The following RAPGEF2 variants were observed in gnomAD, a reference collection of about 807,000 sequenced individuals.
RAPGEF2 encodes the protein PDZ domain containing guanine nucleotide exchange factor (GEF) 1.
RAPGEF2 carries 54 observed loss-of-function variants against 186.7 expected under a neutral mutation model. The observed-to-expected ratio is 0.29, with a 90% CI of 0.23 to 0.36. RAPGEF2 has a LOEUF of 0.36. Among genes scored for constraint, RAPGEF2 ranks in the 10% least tolerant of loss-of-function variants. RAPGEF2 has a pLI of 1.00. For missense variants in RAPGEF2, 1,532 were observed against 2,045.0 expected (o/e 0.75, Z 4.84); for synonymous variants, 712 against 705.9 (o/e 1.01, Z -0.14).
chr4:159,169,965 A>G (rs900141347), intron 1 of RAPGEF2, among the ~76,000 whole-genome samples: 2 of 151,992 alleles, frequency 1.3e-5, no homozygotes, highest in Admixed American at 6.6e-5. Flanking sequence ...TGGTAGTCCT[A>G]TTTTTAATTT....
At chr4:159,253,726 T>C (rs1009396038) in intron 7 of RAPGEF2, among the ~76,000 whole-genome samples, 1 of 152,110 alleles carries the variant, frequency 6.6e-6, no homozygotes, top group African/African-American at 2.4e-5. Flanking sequence ...CCCAGCACTT[T>C]GGGAGGCCGA....
At chr4:159,115,914 T>C (rs750100478) in intron 1 of RAPGEF2, among the ~76,000 whole-genome samples, 4 of 152,122 alleles carry the variant, frequency 2.6e-5, no homozygotes, top group South Asian at 4.1e-4. Flanking sequence ...GCACCTTCCT[T>C]ACACCTCATA....
chr4:159,223,771 G>A (rs1029065359), intron 4 of RAPGEF2, among the ~76,000 whole-genome samples: 4 of 152,198 alleles, frequency 2.6e-5, no homozygotes, highest in Non-Finnish European at 2.9e-5. Flanking sequence ...ACTCAGAATC[G>A]TGAGACCATT....
chr4:159,176,019 G>GCCCACATT (rs1415726852), intron 1 of RAPGEF2, among the ~76,000 whole-genome samples: 3 of 152,168 alleles, frequency 2.0e-5, no homozygotes, highest in Admixed American at 2.0e-4. Flanking sequence ...TGCCCACATA[G>GCCCACATT]AGCACATGTG....
intron 1 of RAPGEF2, among the ~76,000 whole-genome samples, chr4:159,106,835 A>G (rs1311283085): frequency 6.6e-6 from 1 of 152,196 alleles, no homozygotes; most frequent in Non-Finnish European, 1.5e-5. Context: ...TCATTGGTGT[A>G]ACCTAAGAAG....
chr4:159,331,578 A>C, intron 14 of RAPGEF2, 40 bp downstream of exon 14: 1 of 1,610,892 alleles, frequency 6.2e-7, no homozygotes, highest in East Asian at 2.2e-5. Flanking sequence ...CTTAAAGTTC[A>C]TTTTATTCAG....
intron 17 of RAPGEF2, among the ~76,000 whole-genome samples, chr4:159,334,989 G>T (rs773013001): frequency 1.1e-4 from 17 of 152,120 alleles, no homozygotes; most frequent in Non-Finnish European, 2.2e-4. Flanking sequence ...TATCATATTG[G>T]TAACAGACTT....
intron 3 of RAPGEF2, among the ~76,000 whole-genome samples, chr4:159,199,070 A>AG (rs1268778061): frequency 6.6e-6 from 1 of 151,764 alleles, no homozygotes; most frequent in Non-Finnish European, 1.5e-5. Flanking sequence ...AAAAAAAAAA[A>AG]AAAAAAAAGT....
chr4:159,341,077 T>G (rs1054399672), intron 19 of RAPGEF2, among the ~76,000 whole-genome samples: 2 of 152,216 alleles, frequency 1.3e-5, no homozygotes, highest in Non-Finnish European at 2.9e-5. Context: ...TAGGGTTTCT[T>G]AGGTATTTGA....
intron 3 of RAPGEF2, among the ~76,000 whole-genome samples, chr4:159,203,589 A>G (rs1177419826): frequency 6.6e-6 from 1 of 152,208 alleles, no homozygotes; most frequent in African/African-American, 2.4e-5. Context: ...AAGAGAAAAT[A>G]TACTATTTAG....
At chr4:159,146,930 C>T (rs6830831) in intron 1 of RAPGEF2, among the ~76,000 whole-genome samples, 38,744 of 152,102 alleles carry the variant, frequency 0.25, 5,325 homozygotes, top group Non-Finnish European at 0.32. Flanking sequence ...AAAAGAGTCA[C>T]CATTGACAAC....
At chr4:159,219,136 A>T (rs1485370122) in intron 4 of RAPGEF2, among the ~76,000 whole-genome samples, 1 of 152,106 alleles carries the variant, frequency 6.6e-6, no homozygotes, top group Non-Finnish European at 1.5e-5. Flanking sequence ...TCTGTTCCCT[A>T]AGTCTTCTGC....
intron 4 of RAPGEF2, chr4:159,229,295 C>G (rs1752366141): frequency 6.6e-6 from 1 of 152,114 alleles, no homozygotes; most frequent in Non-Finnish European, 1.5e-5. Flanking sequence ...CTGGGTAGTT[C>G]TGACGTACAA....
chr4:159,116,574 A>G (rs977944145), intron 1 of RAPGEF2, among the ~76,000 whole-genome samples: 1 of 152,230 alleles, frequency 6.6e-6, no homozygotes. Flanking sequence ...TACCCAAAGG[A>G]ATATAAATAA....
rs375330601 is a variant in RAPGEF2 at position 159,320,023 on chromosome 4, C to T, written c.854-2324C>T. ...CAAAACATTTCTGACAATTTCTGGC[C>T]CACATTTTTCTTAAACCCATGAATC... is the stretch of plus-strand genomic sequence containing the variant. On this transcript the variant is annotated intron_variant, in intron 9 of 29. Coordinates refer to ENST00000691494, the MANE Select transcript of RAPGEF2 (RefSeq NM_001394067.2). 5.2e-4 allele frequency among the ~76,000 whole-genome samples: 79 copies of T among 152,130 alleles called. 1 individual carries two copies. The South Asian group carries it at 0.016, about 31-fold the overall frequency.
rs191678845 is a variant in RAPGEF2 at position 159,261,162 on chromosome 4, C to T, written c.543+17371C>T. On this transcript the variant is annotated intron_variant, in intron 7 of 29. Coordinates refer to ENST00000691494, the MANE Select transcript of RAPGEF2 (RefSeq NM_001394067.2). ...CTGCAAGCTCTCCCTCCCAGGTTCACGCCATTCTCCTGCCTCAGCTTCCCA... is the reference window on the plus strand; with the variant it reads ...CTGCAAGCTCTCCCTCCCAGGTTCATGCCATTCTCCTGCCTCAGCTTCCCA... Among the ~76,000 whole-genome samples, 910 of 152,012 alleles carry T rather than the reference C, an allele frequency of 6.0e-3. 5 individuals are homozygous for T. The highest frequency in any genetic ancestry group is 0.01 in the Non-Finnish European group (699 of 67,986).
In RAPGEF2 at chr4:159,156,679, C is replaced by T. The variant is rs1478624083; in HGVS notation, c.70-29963C>T. On this transcript the variant is annotated intron_variant, in intron 1 of 29. Coordinates refer to ENST00000691494, the MANE Select transcript of RAPGEF2 (RefSeq NM_001394067.2). Reference sequence around the variant, plus strand: ...GACAGGCCCCAGTGTGTGATGTTCCCCGCCCTGTATCCAAGTGATCTCATT... The same window carrying T: ...GACAGGCCCCAGTGTGTGATGTTCCTCGCCCTGTATCCAAGTGATCTCATT... Among the ~76,000 whole-genome samples the T allele has an allele frequency of 9.9e-5, 15 of 152,248 alleles. No individual in the cohort carries two copies. The East Asian group carries it at 2.9e-3, about 29-fold the overall frequency.
intron 7 of RAPGEF2, among the ~76,000 whole-genome samples, chr4:159,295,082 A>C (rs1055433899): frequency 6.6e-6 from 1 of 152,154 alleles, no homozygotes; most frequent in Admixed American, 6.5e-5. Flanking sequence ...CGTTCAGCGT[A>C]TTGCCCATTA....
intron 19 of RAPGEF2, 121 bp from the exon 20 acceptor site, chr4:159,341,443 T>A (rs913223964): frequency 2.9e-6 from 3 of 1,022,742 alleles, no homozygotes; most frequent in Non-Finnish European, 2.8e-6. Context: ...TAAAAAGAAA[T>A]CTTCCATAAT....
Sources: gnomAD v4.1 joint callset for allele counts (sites outside exome capture counted in the v4.1 genomes callset) on GRCh38, gnomAD v4.1.1 for gene constraint, MANE v1.5 for transcripts, NCBI Gene and HGNC (gene_info 2026-07-23, HGNC 2026-07-21) for gene names.